Variants in DOCK2 observed in about 807,000 individuals in gnomAD.
DOCK2 encodes the protein dedicator of cytokinesis 2, also known as dedicator of cytokinesis protein 2.
A neutral mutation model predicts 248.9 loss-of-function variants in DOCK2; 87 were observed. That is an observed-to-expected ratio of 0.35 (90% confidence interval 0.29 to 0.42). The LOEUF is 0.42. DOCK2 is among the 10% of genes least tolerant of loss of function. The pLI is 1.00. For synonymous variants in DOCK2, 805 were observed against 821.6 expected (o/e 0.98, Z 0.35); for missense variants, 1,747 against 2,300.2 (o/e 0.76, Z 4.92).
intron 14 of DOCK2, among the ~76,000 whole-genome samples, chr5:169,704,759 ATGTGTGTGTGTGTGTGTGTGTG>A (rs56289708): frequency 2.9e-5 from 4 of 139,900 alleles, no homozygotes; most frequent in African/African-American, 1.1e-4. Context: ...CTCCATATAT[ATGTGTGTGTGTGTGTGTGTGTG>A]TGTGTGTGTG....
At chr5:169,957,101 G>T (rs561071705) in intron 27 of DOCK2, among the ~76,000 whole-genome samples, 1 of 152,100 alleles carries the variant, frequency 6.6e-6, no homozygotes, top group Non-Finnish European at 1.5e-5. Flanking sequence ...TTTGTACTTT[G>T]CAGTAATAAG....
At chr5:169,699,965 G>T in intron 12 of DOCK2, 49 bp from the exon 13 acceptor site, 2 of 1,609,408 alleles carry the variant, frequency 1.2e-6, no homozygotes, top group East Asian at 2.2e-5. Flanking sequence ...GGCCGACTGA[G>T]GGGTCACTTG....
At chr5:170,008,216 CAACAACAACA>C (rs1319152228) in intron 30 of DOCK2, among the ~76,000 whole-genome samples, 1 of 48,632 alleles carries the variant, frequency 2.1e-5, no homozygotes, top group African/African-American at 2.8e-4. Flanking sequence ...ACAACAACAA[CAACAACAACA>C]AAAAAAAAAA....
At chr5:169,876,675 C>G (rs1025093610) in intron 27 of DOCK2, among the ~76,000 whole-genome samples, 1 of 152,260 alleles carries the variant, frequency 6.6e-6, no homozygotes, top group East Asian at 1.9e-4. Context: ...TACGGGCTTA[C>G]ATTCAGCTTA....
chr5:169,979,336 T>C (rs950267309), intron 27 of DOCK2, among the ~76,000 whole-genome samples: 1 of 152,162 alleles, frequency 6.6e-6, no homozygotes, highest in African/African-American at 2.4e-5. Context: ...ATTTAAGACA[T>C]GGTGGATATG....
chr5:169,863,145 C>T (rs186797804), intron 27 of DOCK2, among the ~76,000 whole-genome samples: 23 of 152,284 alleles, frequency 1.5e-4, no homozygotes, highest in African/African-American at 5.5e-4. Flanking sequence ...CAGAATGAGC[C>T]AGACCTTGAA....
chr5:169,849,484 T>C (rs1770506005), intron 27 of DOCK2, among the ~76,000 whole-genome samples: 1 of 152,220 alleles, frequency 6.6e-6, no homozygotes, highest in Admixed American at 6.5e-5. Flanking sequence ...CACTTTGAAC[T>C]CAGTTGCCGC....
intron 23 of DOCK2, among the ~76,000 whole-genome samples, chr5:169,755,886 C>T (rs1452305040): frequency 6.6e-6 from 1 of 152,216 alleles, no homozygotes; most frequent in Non-Finnish European, 1.5e-5. Flanking sequence ...GGTGCTGGCA[C>T]CTCCTGAACT....
At chr5:169,874,030 C>T (rs1452662118) in intron 27 of DOCK2, among the ~76,000 whole-genome samples, 1 of 152,150 alleles carries the variant, frequency 6.6e-6, no homozygotes, top group Non-Finnish European at 1.5e-5. Flanking sequence ...CAAAGGGAGG[C>T]TCTTGCAGAG....
chr5:169,686,553 G>A (rs1581034032), intron 8 of DOCK2, among the ~76,000 whole-genome samples: 5 of 152,256 alleles, frequency 3.3e-5, no homozygotes, highest in Admixed American at 3.3e-4. Context: ...GAAGAGAAGA[G>A]GCACAATGCA....
At chr5:169,936,092 C>T (rs990876718) in intron 27 of DOCK2, among the ~76,000 whole-genome samples, 2 of 152,174 alleles carry the variant, frequency 1.3e-5, no homozygotes, top group African/African-American at 4.8e-5. Flanking sequence ...AAAACAAAAT[C>T]GTTCCCCACT....
At chr5:170,036,952 T>C (rs1434362144) in intron 36 of DOCK2, among the ~76,000 whole-genome samples, 1 of 152,192 alleles carries the variant, frequency 6.6e-6, no homozygotes. Context: ...AAAAAGATAC[T>C]AAGATGCATG....
intron 27 of DOCK2, among the ~76,000 whole-genome samples, chr5:169,972,593 TAGATA>T (rs1777558579): frequency 1.0e-4 from 14 of 135,444 alleles, no homozygotes; most frequent in African/African-American, 3.1e-4. Context: ...AGATGATAGA[TAGATA>T]GATAGATAGA....
At chr5:169,893,511 G>A (rs1270460964) in intron 27 of DOCK2, among the ~76,000 whole-genome samples, 3 of 132,006 alleles carry the variant, frequency 2.3e-5, no homozygotes, top group African/African-American at 8.7e-5. Context: ...ACCACTTTTT[G>A]ACTTTAAATA....
intron 27 of DOCK2, among the ~76,000 whole-genome samples, chr5:169,854,501 A>G (rs1043943331): frequency 6.6e-6 from 1 of 152,218 alleles, no homozygotes; most frequent in Non-Finnish European, 1.5e-5. Context: ...ACTTTCATGT[A>G]TATAATTTCA....
intron 27 of DOCK2, chr5:169,883,408 A>G (rs1561793371): frequency 6.4e-7 from 1 of 1,551,564 alleles, no homozygotes; most frequent in Non-Finnish European, 8.7e-7. Context: ...GGACACCTTG[A>G]CCCTTCGAGG....
intron 41 of DOCK2, among the ~76,000 whole-genome samples, chr5:170,053,957 T>C (rs1041549218): frequency 6.6e-6 from 1 of 152,056 alleles, no homozygotes; most frequent in South Asian, 2.1e-4. Flanking sequence ...TACAAGGAGC[T>C]GGAGGGTGGA....
At chr5:169,761,386 A>G in intron 24 of DOCK2, 133 bp from the exon 25 acceptor site, 1 of 689,478 alleles carries the variant, frequency 1.5e-6, no homozygotes, top group Non-Finnish European at 2.6e-6. Flanking sequence ...CTGAAGGCTT[A>G]CCTTGCACCT....
At chr5:169,799,359 T>A (rs989479917) in intron 25 of DOCK2, among the ~76,000 whole-genome samples, 1 of 152,226 alleles carries the variant, frequency 6.6e-6, no homozygotes, top group Non-Finnish European at 1.5e-5. Context: ...AATGAAGGCA[T>A]AATTGGGAAG....
Sources: allele counts gnomAD v4.1 joint callset (sites outside exome capture counted in the v4.1 genomes callset), GRCh38; gene constraint gnomAD v4.1.1; transcripts MANE v1.5; gene names NCBI Gene and HGNC (gene_info 2026-07-23, HGNC 2026-07-21).